TNR: variants seen among roughly 807,000 people sequenced by gnomAD.
The protein encoded by TNR is tenascin R.
Under a neutral mutation model 150.4 loss-of-function variants are expected in TNR, and 45 were observed. That is an observed-to-expected ratio of 0.30 (90% CI 0.24 to 0.38). The LOEUF is 0.38. Among genes scored for constraint, TNR ranks in the 10% least tolerant of loss-of-function variants. The pLI, the probability that TNR is intolerant of heterozygous loss-of-function variation, is 1.00. For missense variants in TNR, 1,544 were observed against 1,759.1 expected (o/e 0.88, Z 2.19); for synonymous variants, 687 against 678.4 (o/e 1.01, Z -0.20).
chr1:175,464,475 G>A (rs774840424), intron 2 of TNR, among the ~76,000 whole-genome samples: 10 of 152,200 alleles, frequency 6.6e-5, no homozygotes, highest in Non-Finnish European at 1.3e-4. Context: ...AAGAAGCAGG[G>A]ACTAGCAATG....
chr1:175,414,265 G>C (rs1571406041), intron 2 of TNR, among the ~76,000 whole-genome samples: 1 of 151,006 alleles, frequency 6.6e-6, no homozygotes, highest in East Asian at 1.9e-4. Flanking sequence ...GGGAAAAAGA[G>C]GGAAAAACAG....
At chr1:175,614,450 C>A (rs1047109859) in intron 1 of TNR, among the ~76,000 whole-genome samples, 1 of 152,210 alleles carries the variant, frequency 6.6e-6, no homozygotes, top group Non-Finnish European at 1.5e-5. Context: ...CTAGCAGACA[C>A]TTAAGAGAAG....
chr1:175,511,048 C>T (rs2102159197), intron 2 of TNR, among the ~76,000 whole-genome samples: 1 of 152,300 alleles, frequency 6.6e-6, no homozygotes, highest in South Asian at 2.1e-4. Flanking sequence ...CGTTTTGTTA[C>T]ACAACTTCCT....
Position 175,444,212 on chromosome 1 carries a change from T to C in TNR, c.-63-37435A>G, listed in dbSNP as rs556305774. On this transcript the variant is annotated intron_variant, in intron 2 of 22. Coordinates refer to ENST00000367674, the MANE Select transcript of TNR (RefSeq NM_003285.3). ...AGAGACAATATAACAAAGTGGTACA[T>C]TGTGAGTTATGGCTGTGCTGATCAG... 3.5e-4 allele frequency among the ~76,000 whole-genome samples: 54 copies of C among 152,196 alleles called. 1 individual carries two copies. The highest frequency in any genetic ancestry group is 1.3e-3 in the African/African-American group (53 of 41,524).
chr1:175,654,373 C>T (rs948931404), intron 1 of TNR, among the ~76,000 whole-genome samples: 6 of 152,186 alleles, frequency 3.9e-5, no homozygotes, highest in Admixed American at 2.0e-4. Flanking sequence ...GTTAACCCCC[C>T]TTCATCTTGG....
intron 20 of TNR, among the ~76,000 whole-genome samples, chr1:175,331,764 G>A (rs963177110): frequency 2.0e-5 from 3 of 152,118 alleles, no homozygotes; most frequent in Non-Finnish European, 4.4e-5. Context: ...TGAGTATGCC[G>A]TGATTTAGAA....
chr1:175,510,121 C>G (rs1190137242), intron 2 of TNR, among the ~76,000 whole-genome samples: 1 of 151,908 alleles, frequency 6.6e-6, no homozygotes, highest in East Asian at 1.9e-4. Flanking sequence ...CCCAGGTACT[C>G]AGGAGGCTGA....
chr1:175,403,449 T>C lies in TNR; in HGVS notation c.667A>G (p.Ser223Gly). The part of the protein sequence containing the change: ...VCVDGQCICD[S>G]EYSGDDCSEL... Reference sequence around the variant, plus strand: ...GAACAGTCATCCCCGCTGTACTCGCTGTCACAGATGCACTGGCCATCCACA... The same window carrying C: ...GAACAGTCATCCCCGCTGTACTCGCCGTCACAGATGCACTGGCCATCCACA... Residue 223 changes from serine (S) to glycine (G), a missense_variant, in exon 4 of 23, where the codon AGC (serine) becomes GGC (glycine). Transcript: ENST00000367674. The C allele has an allele frequency of 6.2e-7, 1 of 1,614,208 alleles. No individual in the cohort carries two copies. The highest frequency in any genetic ancestry group is 8.5e-7 in the Non-Finnish European group (1 of 1,180,040).
intron 2 of TNR, among the ~76,000 whole-genome samples, chr1:175,517,357 T>C (rs1659456746): frequency 1.3e-5 from 2 of 152,216 alleles, no homozygotes. Flanking sequence ...AGGGGAAAAG[T>C]ACACCCATGT....
chr1:175,669,300 G>A (rs538803561), intron 1 of TNR, among the ~76,000 whole-genome samples: 4 of 152,268 alleles, frequency 2.6e-5, no homozygotes, highest in South Asian at 4.1e-4. Context: ...TGGGAAGGCC[G>A]TTGCCAGGCA....
intron 10 of TNR, 125 bp downstream of exon 10, chr1:175,367,083 T>C (rs1402358600): frequency 3.9e-6 from 3 of 763,892 alleles, no homozygotes; most frequent in East Asian, 2.6e-5. Context: ...GGCTGACAGT[T>C]GTCACCAGAG....
At chr1:175,346,815 C>T (rs1209784192) in intron 18 of TNR, among the ~76,000 whole-genome samples, 1 of 140,498 alleles carries the variant, frequency 7.1e-6, no homozygotes, top group Non-Finnish European at 1.5e-5. Flanking sequence ...CGAAAAGACA[C>T]AAACAAAACA....
chr1:175,653,001 A>T (rs921119123), intron 1 of TNR, among the ~76,000 whole-genome samples: 14 of 152,228 alleles, frequency 9.2e-5, no homozygotes, highest in Non-Finnish European at 2.1e-4. Flanking sequence ...CTTTACACCT[A>T]TAAAGTTGGC....
At chr1:175,490,709 T>TA (rs776916568) in intron 2 of TNR, among the ~76,000 whole-genome samples, 10 of 151,180 alleles carry the variant, frequency 6.6e-5, no homozygotes, top group Admixed American at 2.0e-4. Flanking sequence ...TATTAAAAAC[T>TA]AAAAAAAAAT....
Position 175,388,379 on chromosome 1 carries a change from T to C in TNR, c.1508-2078A>G, listed in dbSNP as rs569393103. On this transcript the variant is annotated intron_variant, in intron 7 of 22. Transcript: ENST00000367674. ...TTGAACATATTAAAATGTGATTATG[T>C]AGCGCAGAGGGTTTTAGCTGTGGGA... is the stretch of plus-strand genomic sequence containing the variant. Among the ~76,000 whole-genome samples the C allele has an allele frequency of 2.0e-5, 3 of 152,330 alleles. No individual in the cohort carries two copies. In the South Asian group the frequency reaches 6.2e-4, roughly 32 times the overall value.
chr1:175,627,389 T>C (rs957232158), intron 1 of TNR, among the ~76,000 whole-genome samples: 6 of 152,198 alleles, frequency 3.9e-5, no homozygotes, highest in African/African-American at 1.4e-4. Flanking sequence ...ACAGCATTGG[T>C]GTAAACATCA....
chr1:175,520,057 C>T (rs1298680012), intron 2 of TNR, among the ~76,000 whole-genome samples: 1 of 152,222 alleles, frequency 6.6e-6, no homozygotes, highest in African/African-American at 2.4e-5. Flanking sequence ...ATATTTCCTA[C>T]TATCGTTGGT....
At position 175,686,883 on chromosome 1, in the gene TNR, C is replaced by T. The variant is rs77280407; in HGVS notation, c.-165+56343G>A. On this transcript the variant is annotated intron_variant, in intron 1 of 22. Coordinates refer to ENST00000367674, the MANE Select transcript of TNR (RefSeq NM_003285.3). ...CATGTCCTAAATTTTCCTTATCTAG[C>T]TCACCATTGATGGACACTTAAGTTG... 8.5e-3 allele frequency among the ~76,000 whole-genome samples: 1,294 copies of T among 152,280 alleles called. 8 individuals are homozygous for T. The highest frequency in any genetic ancestry group is 0.027 in the Middle Eastern group (8 of 294).
intron 1 of TNR, among the ~76,000 whole-genome samples, chr1:175,613,320 C>T (rs144710941): frequency 3.4e-4 from 52 of 152,274 alleles, no homozygotes; most frequent in African/African-American, 1.2e-3. Context: ...GGTAAAGGCT[C>T]CTTGTCCAAA....
Sources: allele counts gnomAD v4.1 joint callset (sites outside exome capture counted in the v4.1 genomes callset), GRCh38; gene constraint gnomAD v4.1.1; transcripts MANE v1.5; gene names NCBI Gene and HGNC (gene_info 2026-07-23, HGNC 2026-07-21).